SH3YL1: variants seen among roughly 807,000 people sequenced by gnomAD.
SH3YL1 encodes the protein SH3 and SYLF domain containing 1.
A neutral mutation model predicts 45.8 loss-of-function variants in SH3YL1; 41 were observed. That is an observed-to-expected ratio of 0.89 (90% CI 0.70 to 1.16). The LOEUF (loss-of-function observed/expected upper bound fraction) is 1.16. SH3YL1 is among the 50% of genes most tolerant of loss of function. The pLI, the probability that SH3YL1 is intolerant of heterozygous loss-of-function variation, is 0.00. For missense variants in SH3YL1, 389 were observed against 409.6 expected, an observed-to-expected ratio of 0.95 and a Z score of 0.43; for synonymous variants, 152 against 151.4, an observed-to-expected ratio of 1.00 and a Z score of -0.03.
Position 224,675 on chromosome 2 carries a change from T to C in SH3YL1, c.838+189A>G, listed in dbSNP as rs1667718356. 2.0e-5 allele frequency among the ~76,000 whole-genome samples: 3 copies of C among 152,228 alleles called. No homozygotes were observed. The South Asian group carries it at 6.2e-4, about 31-fold the overall frequency. Reference sequence around the variant, plus strand: ...CAGCTTCCTATCACCCTCATTACCTTAAAGGCAAGTAAGATAACAAAAGCA... The same window carrying C: ...CAGCTTCCTATCACCCTCATTACCTCAAAGGCAAGTAAGATAACAAAAGCA... On this transcript the variant is annotated intron_variant, in intron 9 of 9. Coordinates refer to ENST00000356150, the MANE Select transcript of SH3YL1 (RefSeq NM_015677.4).
intron 8 of SH3YL1, among the ~76,000 whole-genome samples, chr2:226,115 A>C (rs1427051764): frequency 6.6e-6 from 1 of 152,166 alleles, no homozygotes; most frequent in Admixed American, 6.5e-5. Context: ...AAAATCTAGG[A>C]GACTATGAAC....
At chr2:239,279 G>C (rs1185863274) in intron 4 of SH3YL1, among the ~76,000 whole-genome samples, 5 of 152,196 alleles carry the variant, frequency 3.3e-5, no homozygotes, top group Admixed American at 6.5e-5. Flanking sequence ...GCAACTAATA[G>C]GTTAGCATCT....
At chr2:250,179 T>C (rs1351852217) in intron 2 of SH3YL1, among the ~76,000 whole-genome samples, 2 of 152,166 alleles carry the variant, frequency 1.3e-5, no homozygotes, top group Non-Finnish European at 2.9e-5. Context: ...TAATTTAGGA[T>C]ATAGTACATA....
At chr2:262,240 G>A (rs1338215288) in intron 1 of SH3YL1, 1 of 157,324 alleles carries the variant, frequency 6.4e-6, no homozygotes, top group African/African-American at 2.4e-5. Flanking sequence ...TTTGTTTTAA[G>A]GACACAAAGC....
At chr2:240,988 AAGAC>A (rs1399483293) in intron 4 of SH3YL1, 1 of 152,210 alleles carries the variant, frequency 6.6e-6, no homozygotes, top group African/African-American at 2.4e-5. Context: ...CAAAAATAAT[AAGAC>A]AAAGAAGTGG....
In SH3YL1 at chr2:257,988, T is replaced by A. The variant is rs145725225; in HGVS notation, c.2-4873A>T. Among the ~76,000 whole-genome samples, 5 of 152,270 alleles carry A rather than the reference T, an allele frequency of 3.3e-5. No individual in the cohort carries two copies. In the East Asian group the frequency reaches 9.7e-4, roughly 29 times the overall value. On this transcript the variant is annotated intron_variant, in intron 1 of 9. Coordinates refer to ENST00000356150, the MANE Select transcript of SH3YL1 (RefSeq NM_015677.4). Reference sequence around the variant, plus strand: ...TAGCTGTGTAGCATGAATTCTGGGCTCTCGATTCTGTTCATTGTTCTATGA... The same window carrying A: ...TAGCTGTGTAGCATGAATTCTGGGCACTCGATTCTGTTCATTGTTCTATGA...
At chr2:240,772 A>T (rs1668509298) in intron 4 of SH3YL1, 1 of 152,272 alleles carries the variant, frequency 6.6e-6, no homozygotes, top group Non-Finnish European at 1.5e-5. Flanking sequence ...GGACAGGGAC[A>T]GTCAGAACAC....
rs1669635001 is a variant in SH3YL1, at chr2:262,694, T to C, written c.1+1290A>G. ...CTCAGCAGAGTCAGGGTAGCAGTTATTTCCCTTTGACTGCCTCAACTTCCT... is the reference window on the plus strand; with the variant it reads ...CTCAGCAGAGTCAGGGTAGCAGTTACTTCCCTTTGACTGCCTCAACTTCCT... On this transcript the variant is annotated intron_variant, in intron 1 of 9. Coordinates refer to ENST00000356150, the MANE Select transcript of SH3YL1 (RefSeq NM_015677.4). 1.0e-5 allele frequency: 13 copies of C among 1,301,564 alleles called. No individual in the cohort carries two copies. In the Admixed American group the frequency reaches 3.0e-4, roughly 30 times the overall value. The allele number at this position is 1,301,564 out of a possible 1,614,324, so 80.6% of individuals were successfully genotyped here.
chr2:263,986 C>A lies in SH3YL1; in HGVS notation c.-2G>T. 6.8e-7 allele frequency: 1 copy of A among 1,467,816 alleles called. No homozygotes were observed. The highest frequency in any genetic ancestry group is 9.1e-7 in the Non-Finnish European group (1 of 1,104,694). 90.9% of individuals were successfully genotyped at this position (1,467,816 alleles called of 1,614,324 possible). ...CAGGTGGGTCCCCGGGTACTCACTG[C>A]TGCCCGCCCGGCCGCGGCGCCCCGT... On this transcript the variant is annotated splice_region_variant and 5_prime_UTR_variant, in exon 1 of 10. Transcript: ENST00000356150.
At chr2:260,119 A>G (rs1049188938) in intron 1 of SH3YL1, 5 of 152,210 alleles carry the variant, frequency 3.3e-5, no homozygotes, top group Non-Finnish European at 7.3e-5. Context: ...GTATGCTTCA[A>G]TTGATTCCTA....
At chr2:235,087 G>C (rs1217521656) in intron 4 of SH3YL1, among the ~76,000 whole-genome samples, 2 of 152,154 alleles carry the variant, frequency 1.3e-5, no homozygotes, top group Admixed American at 6.5e-5. Flanking sequence ...ATGTTGGCCA[G>C]GCTAGTTTTG....
intron 9 of SH3YL1, among the ~76,000 whole-genome samples, chr2:224,336 T>A (rs1667703243): frequency 6.6e-6 from 1 of 152,212 alleles, no homozygotes; most frequent in African/African-American, 2.4e-5. Flanking sequence ...ACAAAACATT[T>A]GAATGTGAAA....
chr2:242,948 A>G, intron 4 of SH3YL1: 1 of 904,296 alleles, frequency 1.1e-6, no homozygotes, highest in Non-Finnish European at 1.5e-6. Context: ...CAATCAACCA[A>G]AGAGATATAA....
intron 8 of SH3YL1, among the ~76,000 whole-genome samples, chr2:228,891 T>C (rs1667909343): frequency 6.6e-6 from 1 of 152,200 alleles, no homozygotes; most frequent in African/African-American, 2.4e-5. Context: ...AGGCCGAGGA[T>C]GCGCTTCCCG....
At chr2:222,327 A>G (rs1667613773) in intron 9 of SH3YL1, 2 of 152,226 alleles carry the variant, frequency 1.3e-5, no homozygotes, top group African/African-American at 4.8e-5. Flanking sequence ...CTTCCAGTCC[A>G]CTTTCTCATG....
intron 4 of SH3YL1, among the ~76,000 whole-genome samples, chr2:235,158 G>A (rs189161264): frequency 1.9e-3 from 295 of 152,356 alleles, no homozygotes; most frequent in Non-Finnish European, 2.7e-3. Context: ...TTACAGGCGT[G>A]AGCCACTGAG....
chr2:264,007 C>T lies in SH3YL1; in HGVS notation c.-23G>A. 6.9e-7 allele frequency: 1 copy of T among 1,446,662 alleles called. No individual in the cohort carries two copies. Among genetic ancestry groups the T allele is most frequent in the Non-Finnish European group, 9.1e-7 (1 of 1,093,668 alleles). 89.6% of individuals were successfully genotyped at this position (1,446,662 alleles called of 1,614,324 possible). A position where few individuals can be genotyped will look rare whatever the true frequency, so the allele number is the denominator to read the frequency against. On this transcript the variant is annotated 5_prime_UTR_variant, in exon 1 of 10. Coordinates refer to ENST00000356150, the MANE Select transcript of SH3YL1 (RefSeq NM_015677.4). ...ACTGCTGCCCGCCCGGCCGCGGCGC[C>T]CCGTCCCGAGGCTGCCCAGGAAGAG... is the stretch of plus-strand genomic sequence containing the variant.
At chr2:225,462 C>T (rs1318674053) in intron 8 of SH3YL1, among the ~76,000 whole-genome samples, 1 of 152,196 alleles carries the variant, frequency 6.6e-6, no homozygotes, top group African/African-American at 2.4e-5. Context: ...AGAACTTATC[C>T]AGGAGCTGGA....
At chr2:254,290 A>G (rs1389534389) in intron 1 of SH3YL1, among the ~76,000 whole-genome samples, 1 of 152,194 alleles carries the variant, frequency 6.6e-6, no homozygotes, top group Non-Finnish European at 1.5e-5. Context: ...TCATACACTC[A>G]TCAGAGGGCT....
Sources: allele counts gnomAD v4.1 joint callset (sites outside exome capture counted in the v4.1 genomes callset), GRCh38; gene constraint gnomAD v4.1.1; transcripts MANE v1.5; gene names NCBI Gene and HGNC (gene_info 2026-07-23, HGNC 2026-07-21).